PTPRU: variants seen among roughly 807,000 people sequenced by gnomAD.
The protein encoded by PTPRU is receptor-type tyrosine-protein phosphatase U.
Under a neutral mutation model 166.3 loss-of-function variants are expected in PTPRU, and 69 were observed. The ratio of observed to expected loss-of-function variants is 0.41; its 90% CI spans 0.34 to 0.51. The LOEUF (loss-of-function observed/expected upper bound fraction) is 0.51, where lower values mean the gene tolerates loss of function less well. Ranked by LOEUF, PTPRU falls within the 20% of genes least tolerant of loss-of-function variation. The pLI, the probability that PTPRU is intolerant of heterozygous loss-of-function variation, is 0.09. For missense variants in PTPRU, 1,657 were observed against 2,013.7 expected (o/e 0.82, Z 3.39); for synonymous variants, 793 against 814.0 (o/e 0.97, Z 0.44).
At chr1:29,251,940 T>C (rs911528333) in intron 1 of PTPRU, among the ~76,000 whole-genome samples, 1 of 152,208 alleles carries the variant, frequency 6.6e-6, no homozygotes, top group Non-Finnish European at 1.5e-5. Flanking sequence ...CACCATGCTC[T>C]CTCTCTGTAC....
intron 1 of PTPRU, among the ~76,000 whole-genome samples, chr1:29,241,380 A>G (rs1442343506): frequency 6.6e-6 from 1 of 151,704 alleles, no homozygotes; most frequent in Admixed American, 6.6e-5. Flanking sequence ...GTTAGTGGGT[A>G]TTTATAAGTG....
rs747555540 is a variant in PTPRU at position 29,312,636 on chromosome 1, C to T, written c.3157C>T (p.Leu1053=). The T allele has an allele frequency of 1.9e-6, 3 of 1,612,012 alleles. No homozygotes were observed. The African/African-American group carries it at 4.0e-5, about 22-fold the overall frequency. ...TGGCGTCCCCTACCATGCCACGGGG[C>T]TGCTGGCTTTCATCCGGCGCGTGAA... ...EHGVPYHATG[L]LAFIRRVKAS... is the part of the protein sequence containing the mutation. The change falls in exon 22 of 30, where the codon CTG becomes TTG. Residue 1053 remains leucine, a synonymous_variant. Transcript: ENST00000373779.
chr1:29,308,693 G>C (rs1687515439), intron 18 of PTPRU, among the ~76,000 whole-genome samples: 1 of 151,730 alleles, frequency 6.6e-6, no homozygotes. Flanking sequence ...CTATTTTGTG[G>C]GTGCTTTTTC....
At chr1:29,272,645 G>A (rs554248637) in intron 7 of PTPRU, among the ~76,000 whole-genome samples, 3 of 152,222 alleles carry the variant, frequency 2.0e-5, no homozygotes, top group African/African-American at 7.2e-5. Context: ...GGTGGCTCAA[G>A]CCTGTAATCC....
chr1:29,296,305 TTAGTTTTTA>T (rs1417434571), intron 15 of PTPRU, among the ~76,000 whole-genome samples: 1 of 152,206 alleles, frequency 6.6e-6, no homozygotes, highest in African/African-American at 2.4e-5. Flanking sequence ...CAAATTCCTT[TTAGTTTTTA>T]GTTTGCTGAG....
intron 26 of PTPRU, among the ~76,000 whole-genome samples, chr1:29,322,076 G>A (rs1460781445): frequency 6.6e-6 from 1 of 152,208 alleles, no homozygotes; most frequent in Non-Finnish European, 1.5e-5. Context: ...TGCATTAACT[G>A]GGCTCTTTAT....
At position 29,279,721 on chromosome 1, in the gene PTPRU, G is replaced by A. The variant is rs907643375; in HGVS notation, c.1765+64G>A. 4 of 1,556,418 alleles carry A rather than the reference G, an allele frequency of 2.6e-6. No homozygotes were observed. The African/African-American group carries it at 4.1e-5, about 16-fold the overall frequency. On this transcript the variant is annotated intron_variant, in intron 10 of 29. Coordinates refer to ENST00000373779, the MANE Select transcript of PTPRU (RefSeq NM_133178.4). The surrounding 1 kb of genome is among the most constrained non-coding windows in gnomAD (Gnocchi z 5.2). ...GGCCCAGAATCCCAGGGTTCCATGG[G>A]CAGAAGGGAAATGGGGGGCATCCTG...
intron 15 of PTPRU, among the ~76,000 whole-genome samples, chr1:29,296,679 GTTT>G (rs60675448): frequency 7.4e-6 from 1 of 135,772 alleles, no homozygotes; most frequent in Non-Finnish European, 1.6e-5. Context: ...TTGCTACTTT[GTTT>G]TTTTTTTTTT....
Position 29,258,785 on chromosome 1 carries a change from G to A in PTPRU, c.477+9G>A, listed in dbSNP as rs368319976. ...GGCCCAATGAATATCAGGTGGGCTG[G>A]GTTCAGTCAGCGGTCAGCCTGTGCC... On this transcript the variant is annotated intron_variant, in intron 3 of 29. Transcript: ENST00000373779. 1.2e-5 allele frequency: 18 copies of A among 1,559,924 alleles called. No homozygotes were observed. The highest frequency in any genetic ancestry group is 1.5e-5 in the Non-Finnish European group (17 of 1,152,384).
intron 1 of PTPRU, among the ~76,000 whole-genome samples, chr1:29,245,795 A>G (rs1027288540): frequency 1.0e-4 from 15 of 150,168 alleles, no homozygotes; most frequent in African/African-American, 3.2e-4. Flanking sequence ...AGCTGCTCAC[A>G]CTGCACCACT....
chr1:29,260,603 C>G lies in PTPRU; in HGVS notation c.851-7C>G. The G allele has an allele frequency of 6.7e-7, 1 of 1,490,846 alleles. No individual in the cohort carries two copies. The highest frequency in any genetic ancestry group is 1.4e-5 in the South Asian group (1 of 73,098). The allele number at this position is 1,490,846 out of a possible 1,614,324, so 92.4% of individuals were successfully genotyped here. ...GTCCGCCTCGCCTCTCCCCCATCTC[C>G]TCGCAGAGCCCCCAACTCCCATCGC... On this transcript the variant is annotated splice_region_variant and splice_polypyrimidine_tract_variant and intron_variant, in intron 6 of 29. Transcript: ENST00000373779. This position sits in a 1 kb window ranked among gnomAD's most constrained non-coding sequence, Gnocchi z 8.3.
chr1:29,258,718 GC>G lies in PTPRU; in HGVS notation c.421del (p.Arg141ValfsTer36). The G allele has an allele frequency of 6.2e-7, 1 of 1,609,580 alleles. No homozygotes were observed. Among genetic ancestry groups the G allele is most frequent in the Non-Finnish European group, 8.5e-7 (1 of 1,177,350 alleles). On this transcript the variant is annotated frameshift_variant, in exon 3 of 30. Transcript: ENST00000373779. LOFTEE classifies it high-confidence loss of function. ...SAVWNMTGSHGRQWHQAELAV... is the reference protein window; with the variant it reads ...SAVWNMTGSHXRQWHQAELAV... Reference sequence around the variant, plus strand: ...GTGTGGAATATGACTGGATCCCACGGCCGTCAGTGGCACCAGGCTGAGCTGG... The same window carrying G: ...GTGTGGAATATGACTGGATCCCACGGCGTCAGTGGCACCAGGCTGAGCTGG...
At chr1:29,241,105 C>G (rs1467595146) in intron 1 of PTPRU, among the ~76,000 whole-genome samples, 1 of 152,066 alleles carries the variant, frequency 6.6e-6, no homozygotes. Context: ...ATCTGGTTAT[C>G]GTGTGGTGTG....
chr1:29,312,820 T>A, intron 22 of PTPRU, 114 bp downstream of exon 22: 1 of 1,345,896 alleles, frequency 7.4e-7, no homozygotes, highest in Non-Finnish European at 9.9e-7. Flanking sequence ...TTCTCCTGCT[T>A]AGAGATGGAG....
intron 1 of PTPRU, among the ~76,000 whole-genome samples, chr1:29,251,137 C>T (rs1394936551): frequency 6.6e-6 from 1 of 152,204 alleles, no homozygotes; most frequent in Non-Finnish European, 1.5e-5. Context: ...CCTATAATTC[C>T]AGCTACTTTG....
At chr1:29,244,125 A>G (rs1010804451) in intron 1 of PTPRU, among the ~76,000 whole-genome samples, 1 of 152,004 alleles carries the variant, frequency 6.6e-6, no homozygotes, top group Non-Finnish European at 1.5e-5. Context: ...GCTGTTAGGA[A>G]GGGGAGATGC....
Position 29,320,970 on chromosome 1 carries a change from CAG to C in PTPRU, c.3828+146_3828+147del, listed in dbSNP as rs1297723528. The C allele has an allele frequency of 1.1e-6, 1 of 941,618 alleles. No individual in the cohort carries two copies. 58.3% of individuals were successfully genotyped at this position (941,618 alleles called of 1,614,324 possible). ...TGAATCATACACCTTCCCAGAGCCT[CAG>C]TTTCTTCATCTGTAAAACAAGGGTG... On this transcript the variant is annotated intron_variant, in intron 26 of 29. Transcript: ENST00000373779. This position sits in a 1 kb window ranked among gnomAD's most constrained non-coding sequence, Gnocchi z 5.2.
At chr1:29,246,328 CG>C (rs1274346316) in intron 1 of PTPRU, among the ~76,000 whole-genome samples, 1 of 152,236 alleles carries the variant, frequency 6.6e-6, no homozygotes, top group Non-Finnish European at 1.5e-5. Context: ...GTCAGCCCTA[CG>C]TGAACAACAT....
At position 29,282,732 on chromosome 1, in the gene PTPRU, G is replaced by T; in HGVS notation, c.1925G>T (p.Gly642Val). ...ERARRLRREP[G>V]GQDCFPVPLT... ...GCGCGGAGGCTGCGGCGGGAGCCAG[G>T]TGGACAGGACTGCTTCCCAGTGCCA... The change falls in exon 12 of 30, where the codon GGT becomes GTT. Residue 642 changes from glycine (G) to valine (V), a missense_variant. Gly to Val is a moderately radical substitution (Grantham distance 109). Around this residue, in one of 3 missense-constraint regions of PTPRU, gnomAD observed 1,190 missense variants for 1,477.4 expected, o/e 0.81. Transcript: ENST00000373779. 3 of 1,613,864 alleles carry T rather than the reference G, an allele frequency of 1.9e-6. No homozygotes were observed. The highest frequency in any genetic ancestry group is 2.5e-6 in the Non-Finnish European group (3 of 1,180,006).
Sources: allele counts gnomAD v4.1 joint callset (sites outside exome capture counted in the v4.1 genomes callset), GRCh38; gene constraint gnomAD v4.1.1; regional missense constraint gnomAD v4.1.1; non-coding constraint Gnocchi (gnomAD v3.1); transcripts MANE v1.5; gene names NCBI Gene and HGNC (gene_info 2026-07-23, HGNC 2026-07-21).